The following SND1 variants were observed in gnomAD, a reference collection of about 807,000 sequenced individuals.
The protein encoded by SND1 is staphylococcal nuclease and tudor domain containing 1.
Under a neutral mutation model 121.7 loss-of-function variants are expected in SND1, and 38 were observed. That is an observed-to-expected ratio of 0.31 (90% CI 0.24 to 0.41). The LOEUF (loss-of-function observed/expected upper bound fraction) is 0.41, where lower values mean the gene tolerates loss of function less well. Ranked by LOEUF, SND1 falls within the 10% of genes least tolerant of loss-of-function variation. The pLI, the probability that SND1 is intolerant of heterozygous loss-of-function variation, is 1.00. For missense variants in SND1, 868 were observed against 1,184.6 expected, an observed-to-expected ratio of 0.73 and a Z score of 3.92; for synonymous variants, 401 against 447.4, an observed-to-expected ratio of 0.90 and a Z score of 1.31.
chr7:127,862,868 T>C lies in SND1; in HGVS notation c.1343+18444T>C, dbSNP rs912217867. Among the ~76,000 whole-genome samples, 2 of 152,366 alleles carry C rather than the reference T, an allele frequency of 1.3e-5. 1 individual carries two copies. Among genetic ancestry groups the C allele is most frequent in the South Asian group, 4.1e-4 (2 of 4,828 alleles). On this transcript the variant is annotated intron_variant, in intron 12 of 23. Coordinates refer to ENST00000354725, the MANE Select transcript of SND1 (RefSeq NM_014390.4). ...TTGCATTTGAAGCAAGAATTTGCAC[T>C]GACAGCTTCGTCTCCTAGATCTCTG... is the stretch of plus-strand genomic sequence containing the variant.
chr7:127,825,588 G>A (rs1398111046), intron 11 of SND1, among the ~76,000 whole-genome samples: 1 of 151,494 alleles, frequency 6.6e-6, no homozygotes, highest in Non-Finnish European at 1.5e-5. Flanking sequence ...TTGTACTTTA[G>A]TAGAGACGGG....
chr7:128,080,656 G>T (rs1108809), intron 17 of SND1, among the ~76,000 whole-genome samples: 2 of 152,202 alleles, frequency 1.3e-5, no homozygotes, highest in East Asian at 1.9e-4. Flanking sequence ...GGTGTGAGGA[G>T]CCCAGAGCCA....
chr7:127,766,720 C>T (rs1005237679), intron 10 of SND1, among the ~76,000 whole-genome samples: 38 of 125,346 alleles, frequency 3.0e-4, no homozygotes, highest in Non-Finnish European at 5.3e-4. Flanking sequence ...TGCAGTGAGC[C>T]GAGATGGCGC....
chr7:128,007,136 G>A (rs1372960711), intron 16 of SND1, among the ~76,000 whole-genome samples: 1 of 152,192 alleles, frequency 6.6e-6, no homozygotes, highest in African/African-American at 2.4e-5. Context: ...ATGTGAAGCT[G>A]CCAGCAGGAC....
At chr7:127,952,363 A>G (rs1366867796) in intron 15 of SND1, among the ~76,000 whole-genome samples, 2 of 152,150 alleles carry the variant, frequency 1.3e-5, no homozygotes, top group Non-Finnish European at 2.9e-5. Flanking sequence ...AGGCTGTTCT[A>G]CCTCCAGGAA....
Position 127,801,967 on chromosome 7 carries a change from G to A in SND1, c.1153-5517G>A, listed in dbSNP as rs566628532. On this transcript the variant is annotated intron_variant, in intron 10 of 23. Coordinates refer to ENST00000354725, the MANE Select transcript of SND1 (RefSeq NM_014390.4). ...CGCCATTCTCCTGCCTCAGCCTCCC[G>A]AGTAGCTGGGACTACAGGCACCCAC... 6.8e-4 allele frequency among the ~76,000 whole-genome samples: 104 copies of A among 152,014 alleles called. 1 individual carries two copies. Among genetic ancestry groups the A allele is most frequent in the South Asian group, 4.6e-3 (22 of 4,812 alleles).
intron 16 of SND1, chr7:128,028,547 CT>C: frequency 1.3e-6 from 1 of 780,154 alleles, no homozygotes; most frequent in Non-Finnish European, 1.9e-6. Flanking sequence ...TTAATATAAT[CT>C]GTTTTTTTTA....
At chr7:127,705,343 A>G (rs1203998012) in intron 8 of SND1, among the ~76,000 whole-genome samples, 1 of 152,226 alleles carries the variant, frequency 6.6e-6, no homozygotes, top group East Asian at 1.9e-4. Context: ...TGATGGAAAG[A>G]CAGAGCCTGT....
At chr7:128,032,784 C>T (rs946330933) in intron 16 of SND1, among the ~76,000 whole-genome samples, 1 of 152,212 alleles carries the variant, frequency 6.6e-6, no homozygotes, top group Non-Finnish European at 1.5e-5. Flanking sequence ...GCTGCACTGC[C>T]GCCAGCCCCT....
intron 15 of SND1, among the ~76,000 whole-genome samples, chr7:127,976,840 G>T (rs934135989): frequency 1.3e-5 from 2 of 152,298 alleles, no homozygotes; most frequent in East Asian, 3.9e-4. Flanking sequence ...TGGGGCTGCT[G>T]CTGAGAGACA....
At chr7:127,972,014 G>A (rs1274703032) in intron 15 of SND1, among the ~76,000 whole-genome samples, 2 of 151,662 alleles carry the variant, frequency 1.3e-5, no homozygotes, top group Admixed American at 1.3e-4. Context: ...AGCTCAGACA[G>A]TCCACCCGCC....
chr7:127,837,124 A>G (rs1376589055), intron 11 of SND1, among the ~76,000 whole-genome samples: 3 of 152,220 alleles, frequency 2.0e-5, no homozygotes, highest in Non-Finnish European at 4.4e-5. Flanking sequence ...AAGAATGTTT[A>G]CAAAGATTCA....
intron 15 of SND1, among the ~76,000 whole-genome samples, chr7:127,936,247 C>T (rs910620198): frequency 1.3e-5 from 2 of 152,090 alleles, no homozygotes; most frequent in African/African-American, 4.8e-5. Context: ...TCCTCCTAAG[C>T]GTGCTGATTT....
At chr7:127,998,290 A>T in intron 16 of SND1, 1 of 246,256 alleles carries the variant, frequency 4.1e-6, no homozygotes, top group South Asian at 5.3e-5. Flanking sequence ...TCATCAGCTT[A>T]TCATTGAAAA....
chr7:128,039,439 C>T (rs977977632), intron 16 of SND1, among the ~76,000 whole-genome samples: 1 of 152,144 alleles, frequency 6.6e-6, no homozygotes, highest in Non-Finnish European at 1.5e-5. Context: ...TAGCCCTACC[C>T]TGCTCTACTT....
chr7:127,857,474 T>C (rs924810092), intron 12 of SND1, among the ~76,000 whole-genome samples: 1 of 151,654 alleles, frequency 6.6e-6, no homozygotes, highest in Non-Finnish European at 1.5e-5. Flanking sequence ...AAGAACACTT[T>C]TTTAAAAATG....
Position 128,029,563 on chromosome 7 carries a change from G to C in SND1, c.1779+38507G>C. 3.7e-6 allele frequency: 6 copies of C among 1,614,024 alleles called. No homozygotes were observed. Among genetic ancestry groups the C allele is most frequent in the Non-Finnish European group, 5.1e-6 (6 of 1,180,016 alleles). On this transcript the variant is annotated intron_variant, in intron 16 of 23. Transcript: ENST00000354725. The surrounding 1 kb of genome is among the most constrained non-coding windows in gnomAD (Gnocchi z 4.2). The stretch of plus-strand genomic sequence containing the variant: ...CGACCCTCAGAAATGTTGAGGTCTC[G>C]AGGTGCGTCCATGATGAAGGGGGCA...
intron 16 of SND1, among the ~76,000 whole-genome samples, chr7:128,060,162 C>T (rs1399357087): frequency 6.6e-6 from 1 of 152,146 alleles, no homozygotes; most frequent in Non-Finnish European, 1.5e-5. Flanking sequence ...TGGCTTAGCA[C>T]TCCTTTACTG....
chr7:127,718,986 C>T (rs1027657083), intron 9 of SND1, among the ~76,000 whole-genome samples: 6 of 151,726 alleles, frequency 4.0e-5, no homozygotes, highest in South Asian at 2.1e-4. Context: ...TGACAGTTAC[C>T]CTCTATCCTT....
Sources: gnomAD v4.1 joint callset for allele counts (sites outside exome capture counted in the v4.1 genomes callset) on GRCh38, gnomAD v4.1.1 for gene constraint, Gnocchi (gnomAD v3.1) non-coding constraint, MANE v1.5 for transcripts, NCBI Gene and HGNC (gene_info 2026-07-23, HGNC 2026-07-21) for gene names.